Variants in SLCO5A1 observed in about 807,000 individuals in gnomAD.
The protein encoded by SLCO5A1 is organic anion transporter polypeptide-related protein 4.
Under a neutral mutation model 65.1 loss-of-function variants are expected in SLCO5A1, and 39 were observed. That is an observed-to-expected ratio of 0.60 (90% CI 0.46 to 0.78). The LOEUF is 0.78. Among genes scored for constraint, SLCO5A1 ranks in the 30% least tolerant of loss-of-function variants. The pLI is 0.00. For missense variants in SLCO5A1, 1,029 were observed against 1,069.4 expected (o/e 0.96, Z 0.53); for synonymous variants, 438 against 415.7 (o/e 1.05, Z -0.65).
chr8:69,828,328 T>C (rs7821276), intron 2 of SLCO5A1, among the ~76,000 whole-genome samples: 2,070 of 151,054 alleles, frequency 0.014, 20 homozygotes, highest in Non-Finnish European at 0.024. Context: ...AAGGGCCGGG[T>C]GCAGTGGCTC....
intron 2 of SLCO5A1, among the ~76,000 whole-genome samples, chr8:69,768,143 G>A (rs368248421): frequency 6.6e-6 from 1 of 152,100 alleles, no homozygotes; most frequent in South Asian, 2.1e-4. Context: ...TGAAGTGGGA[G>A]GATCACCTGA....
chr8:69,797,775 T>C (rs1360383562), intron 2 of SLCO5A1, among the ~76,000 whole-genome samples: 2 of 152,246 alleles, frequency 1.3e-5, no homozygotes, highest in Non-Finnish European at 2.9e-5. Flanking sequence ...TGTCTCCTGA[T>C]AAGATGTTAT....
In SLCO5A1 at chr8:69,832,199, G is replaced by A; in HGVS notation, c.475C>T (p.Arg159Cys). 6.2e-7 allele frequency: 1 copy of A among 1,614,156 alleles called. No individual in the cohort carries two copies. The highest frequency in any genetic ancestry group is 8.5e-7 in the Non-Finnish European group (1 of 1,180,038). Residue 159 changes from arginine (R) to cysteine (C), a missense_variant, in exon 2 of 10, where the codon CGC (arginine) becomes TGC (cysteine). Coordinates refer to ENST00000260126, the MANE Select transcript of SLCO5A1 (RefSeq NM_030958.3). This position sits in a 1 kb window ranked among gnomAD's most constrained non-coding sequence, Gnocchi z 4.5. The stretch of plus-strand genomic sequence containing the variant: ...GACTCGGAACTCTTCAGACTGTAGC[G>A]CCTTTCAATGGTGGTAATTACGCTG... ...LSSVITTIER[R>C]YSLKSSESGL...
intron 5 of SLCO5A1, among the ~76,000 whole-genome samples, chr8:69,737,026 CAT>C (rs1816589090): frequency 6.6e-6 from 1 of 152,126 alleles, no homozygotes; most frequent in African/African-American, 2.4e-5. Context: ...TCAAGAAAAA[CAT>C]ATTTTAAGTC....
In SLCO5A1 at chr8:69,669,280, C is replaced by G. The variant is rs1563649562; in HGVS notation, c.*3589G>C. 6.6e-6 allele frequency: 1 copy of G among 151,594 alleles called. No homozygotes were observed. Among genetic ancestry groups the G allele is most frequent in the African/African-American group, 2.4e-5 (1 of 41,274 alleles). The allele number at this position is 151,594 out of a possible 1,614,324, so 9.4% of individuals were successfully genotyped here. On this transcript the variant is annotated 3_prime_UTR_variant, in exon 10 of 10. Coordinates refer to ENST00000260126, the MANE Select transcript of SLCO5A1 (RefSeq NM_030958.3). Reference sequence around the variant, plus strand: ...TTTCCTACAGTTTTTTTTATTTACACAAAAAAACCTCTCTACTCTTCATAA... The same window carrying G: ...TTTCCTACAGTTTTTTTTATTTACAGAAAAAAACCTCTCTACTCTTCATAA...
At chr8:69,826,104 C>T (rs1820899154) in intron 2 of SLCO5A1, among the ~76,000 whole-genome samples, 1 of 152,188 alleles carries the variant, frequency 6.6e-6, no homozygotes, top group Admixed American at 6.5e-5. Context: ...TGGATCCCTT[C>T]CTTACACCTT....
intron 2 of SLCO5A1, among the ~76,000 whole-genome samples, chr8:69,781,276 G>A (rs1205518688): frequency 6.6e-6 from 1 of 152,244 alleles, no homozygotes; most frequent in Non-Finnish European, 1.5e-5. Context: ...ACAATGTCTT[G>A]TGCAAAGTCC....
At chr8:69,690,717 C>T (rs1392031362) in intron 6 of SLCO5A1, among the ~76,000 whole-genome samples, 10 of 152,214 alleles carry the variant, frequency 6.6e-5, no homozygotes, top group African/African-American at 2.2e-4. Context: ...GGAAATATTT[C>T]GGAGCTGGGT....
intron 5 of SLCO5A1, among the ~76,000 whole-genome samples, chr8:69,705,470 C>T (rs1377405241): frequency 2.0e-5 from 3 of 152,102 alleles, no homozygotes. Context: ...ACAAGCAATC[C>T]ATTACAAAAG....
intron 6 of SLCO5A1, among the ~76,000 whole-genome samples, chr8:69,688,422 G>A (rs937551522): frequency 6.6e-6 from 1 of 151,918 alleles, no homozygotes; most frequent in Non-Finnish European, 1.5e-5. Flanking sequence ...TGCCATGCTG[G>A]TGTGCTGCAC....
At chr8:69,790,515 G>A (rs936917985) in intron 2 of SLCO5A1, among the ~76,000 whole-genome samples, 1 of 151,752 alleles carries the variant, frequency 6.6e-6, no homozygotes, top group Admixed American at 6.6e-5. Context: ...TGGCACACAC[G>A]TGTAGTCCCA....
At chr8:69,813,330 A>AGCTGTACCATTCCATTTCAGACACTT (rs1820281558) in intron 2 of SLCO5A1, among the ~76,000 whole-genome samples, 1 of 152,270 alleles carries the variant, frequency 6.6e-6, no homozygotes, top group Non-Finnish European at 1.5e-5. Context: ...GAATGCCAGG[A>AGCTGTACCATTCCATTTCAGACACTT]GCTGTACCAT....
chr8:69,769,207 G>A (rs533588294), intron 2 of SLCO5A1, among the ~76,000 whole-genome samples: 79 of 152,342 alleles, frequency 5.2e-4, no homozygotes, highest in South Asian at 1.0e-3. Context: ...CCACAGGAAT[G>A]TCTGTCCTAG....
intron 4 of SLCO5A1, among the ~76,000 whole-genome samples, chr8:69,749,315 A>C (rs564641120): frequency 6.6e-6 from 1 of 152,092 alleles, no homozygotes; most frequent in South Asian, 2.1e-4. Context: ...CAGTTGTCAC[A>C]CCCTAAAGAA....
intron 6 of SLCO5A1, among the ~76,000 whole-genome samples, chr8:69,686,067 A>T (rs1813986044): frequency 1.4e-5 from 2 of 142,838 alleles, no homozygotes; most frequent in South Asian, 4.1e-4. Context: ...ACATACTTCT[A>T]CTACATACTT....
At chr8:69,716,522 G>C (rs1255586661) in intron 5 of SLCO5A1, among the ~76,000 whole-genome samples, 2 of 152,186 alleles carry the variant, frequency 1.3e-5, no homozygotes, top group Non-Finnish European at 2.9e-5. Flanking sequence ...CCATCTGAGT[G>C]TGAGGTGGTA....
chr8:69,773,395 G>A (rs184343805), intron 2 of SLCO5A1, among the ~76,000 whole-genome samples: 1 of 152,268 alleles, frequency 6.6e-6, no homozygotes, highest in East Asian at 1.9e-4. Flanking sequence ...GGGAGTCCAG[G>A]CGCTCATCCT....
Position 69,672,926 on chromosome 8 carries a change from A to G in SLCO5A1, c.2490T>C (p.Ser830=), listed in dbSNP as rs1345319486. 1.2e-6 allele frequency: 2 copies of G among 1,614,198 alleles called. No homozygotes were observed. Among genetic ancestry groups the G allele is most frequent in the South Asian group, 1.1e-5 (1 of 91,086 alleles). ...TYPGPFPEAI[S]SSADPGLEES... Reference sequence around the variant, plus strand: ...CTTCCAGCCCCGGGTCCGCAGAGGAACTTATTGCTTCTGGGAAGGGCCCCG... The same window carrying G: ...CTTCCAGCCCCGGGTCCGCAGAGGAGCTTATTGCTTCTGGGAAGGGCCCCG... The change falls in exon 10 of 10, where the codon AGT becomes AGC. Residue 830 remains serine, a synonymous_variant. Transcript: ENST00000260126.
At chr8:69,736,590 A>G (rs576651458) in intron 5 of SLCO5A1, among the ~76,000 whole-genome samples, 43 of 152,318 alleles carry the variant, frequency 2.8e-4, no homozygotes, top group African/African-American at 8.9e-4. Context: ...CTCTAAAAAA[A>G]TCAGGTTTCA....
Sources: allele counts gnomAD v4.1 joint callset (sites outside exome capture counted in the v4.1 genomes callset), GRCh38; gene constraint gnomAD v4.1.1; non-coding constraint Gnocchi (gnomAD v3.1); transcripts MANE v1.5; gene names NCBI Gene and HGNC (gene_info 2026-07-23, HGNC 2026-07-21).